Variants in TRAF3IP1 observed in about 807,000 individuals in gnomAD.
TRAF3IP1 encodes the protein TRAF3-interacting protein 1.
In TRAF3IP1, 53 loss-of-function variants were observed where a neutral mutation model predicts 89.9. That is an observed-to-expected ratio of 0.59 (90% CI 0.47 to 0.74). TRAF3IP1 has a LOEUF of 0.74. Ranked by LOEUF, TRAF3IP1 falls within the 30% of genes least tolerant of loss-of-function variation. TRAF3IP1 has a pLI of 0.00. For missense variants in TRAF3IP1, 806 were observed against 866.1 expected, an observed-to-expected ratio of 0.93 and a Z score of 0.87; for synonymous variants, 311 against 322.1, an observed-to-expected ratio of 0.97 and a Z score of 0.37.
chr2:238,325,224 C>T, intron 1 of TRAF3IP1, 82 bp from the exon 2 acceptor site: 2 of 1,342,756 alleles, frequency 1.5e-6, no homozygotes, highest in Non-Finnish European at 2.1e-6. Context: ...TCTGACATCT[C>T]CCAAGTGTGG....
At chr2:238,364,062 TTCTC>T (rs1181591892) in intron 15 of TRAF3IP1, among the ~76,000 whole-genome samples, 1 of 152,252 alleles carries the variant, frequency 6.6e-6, no homozygotes, top group Non-Finnish European at 1.5e-5. Context: ...ATTGCTTATT[TTCTC>T]TCTGTCTCAT....
At chr2:238,349,551 C>T (rs965198303) in intron 12 of TRAF3IP1, 143 bp downstream of exon 12, 28 of 751,664 alleles carry the variant, frequency 3.7e-5, no homozygotes, top group Middle Eastern at 3.7e-4. Flanking sequence ...GGTAGGCCCT[C>T]GCCTCACACC....
At chr2:238,350,401 A>G (rs1699097649) in intron 12 of TRAF3IP1, among the ~76,000 whole-genome samples, 1 of 152,042 alleles carries the variant, frequency 6.6e-6, no homozygotes, top group Non-Finnish European at 1.5e-5. Flanking sequence ...TGTGATGCAG[A>G]TTCTTAAGGT....
At chr2:238,331,192 G>A (rs1698103762) in intron 5 of TRAF3IP1, among the ~76,000 whole-genome samples, 1 of 151,808 alleles carries the variant, frequency 6.6e-6, no homozygotes, top group South Asian at 2.1e-4. Flanking sequence ...CGGGCATGGT[G>A]GCTCACGCTT....
rs73999932 is a variant in TRAF3IP1 at position 238,379,350 on chromosome 2, G to C, written c.1690-18109G>C. ...CATTGGTCACTGACTGAGACCATGC[G>C]ACTGACTGAGACCATGCAGCTGGCT... On this transcript the variant is annotated intron_variant, in intron 15 of 16. Coordinates refer to ENST00000373327, the MANE Select transcript of TRAF3IP1 (RefSeq NM_015650.4). This position sits in a 1 kb window ranked among gnomAD's most constrained non-coding sequence, Gnocchi z 4.0. Among the ~76,000 whole-genome samples, 5,793 of 152,220 alleles carry C rather than the reference G, an allele frequency of 0.038. 351 individuals carry two copies. The highest frequency in any genetic ancestry group is 0.13 in the African/African-American group (5,432 of 41,498).
chr2:238,349,481 G>A, intron 12 of TRAF3IP1, 73 bp downstream of exon 12: 1 of 1,444,318 alleles, frequency 6.9e-7, no homozygotes, highest in Non-Finnish European at 9.6e-7. Context: ...TCCGCTAAGA[G>A]AAGGGGGAGG....
At chr2:238,330,226 C>G (rs182893816) in intron 5 of TRAF3IP1, among the ~76,000 whole-genome samples, 3 of 152,258 alleles carry the variant, frequency 2.0e-5, no homozygotes, top group African/African-American at 7.2e-5. Flanking sequence ...CTTTCAAGGG[C>G]TTTTAGGCAT....
chr2:238,331,348 G>T (rs560350756), intron 5 of TRAF3IP1, among the ~76,000 whole-genome samples: 30 of 151,602 alleles, frequency 2.0e-4, no homozygotes, highest in African/African-American at 7.3e-4. Context: ...GTGGTGGCAC[G>T]TGCCTGTAGT....
At chr2:238,384,670 A>T (rs1351396738) in intron 15 of TRAF3IP1, among the ~76,000 whole-genome samples, 1 of 150,718 alleles carries the variant, frequency 6.6e-6, no homozygotes, top group African/African-American at 2.4e-5. Context: ...GGCGTGAGCC[A>T]CCACGCCTGG....
chr2:238,333,284 C>T (rs1698216957), intron 6 of TRAF3IP1, among the ~76,000 whole-genome samples: 1 of 152,076 alleles, frequency 6.6e-6, no homozygotes, highest in Admixed American at 6.5e-5. Context: ...CTCTGGTTGG[C>T]CTGTTCAGGA....
At chr2:238,350,805 C>T (rs1699116150) in intron 12 of TRAF3IP1, among the ~76,000 whole-genome samples, 1 of 151,886 alleles carries the variant, frequency 6.6e-6, no homozygotes, top group South Asian at 2.1e-4. Context: ...TGTTCTGCAG[C>T]TGCAGTTGGC....
chr2:238,379,187 C>T lies in TRAF3IP1; in HGVS notation c.1690-18272C>T, dbSNP rs896802479. Among the ~76,000 whole-genome samples, 2 of 152,182 alleles carry T rather than the reference C, an allele frequency of 1.3e-5. No individual in the cohort carries two copies. Among genetic ancestry groups the T allele is most frequent in the Non-Finnish European group, 2.9e-5 (2 of 68,032 alleles). On this transcript the variant is annotated intron_variant, in intron 15 of 16. Coordinates refer to ENST00000373327, the MANE Select transcript of TRAF3IP1 (RefSeq NM_015650.4). This position sits in a 1 kb window ranked among gnomAD's most constrained non-coding sequence, Gnocchi z 4.0. ...GGTTACCTGGAGGCTGCTGGTCTCT[C>T]GGGCCGGACAACCCCCACCCCATTT...
intron 7 of TRAF3IP1, among the ~76,000 whole-genome samples, chr2:238,336,632 A>G (rs539000242): frequency 1.4e-3 from 217 of 152,310 alleles, no homozygotes; most frequent in African/African-American, 4.6e-3. Context: ...TAAGTAGTGC[A>G]TACAGAGCTG....
At chr2:238,372,450 G>A (rs766947452) in intron 15 of TRAF3IP1, among the ~76,000 whole-genome samples, 4 of 152,172 alleles carry the variant, frequency 2.6e-5, no homozygotes, top group Non-Finnish European at 4.4e-5. Context: ...TCCCTGCAAA[G>A]GACATGAACT....
intron 15 of TRAF3IP1, among the ~76,000 whole-genome samples, chr2:238,388,588 C>A: frequency 6.9e-6 from 1 of 144,792 alleles, no homozygotes; most frequent in Non-Finnish European, 1.5e-5. Context: ...TTATGAAGAA[C>A]ACAACTTTTT....
intron 15 of TRAF3IP1, among the ~76,000 whole-genome samples, chr2:238,370,492 C>G (rs1309063589): frequency 1.3e-5 from 2 of 152,132 alleles, no homozygotes; most frequent in Non-Finnish European, 2.9e-5. Context: ...TGTGCCCTCC[C>G]TACCTGGTCT....
intron 7 of TRAF3IP1, among the ~76,000 whole-genome samples, chr2:238,335,647 A>G (rs1041356611): frequency 6.6e-6 from 1 of 152,110 alleles, no homozygotes; most frequent in Non-Finnish European, 1.5e-5. Context: ...TTAGTTTAGG[A>G]AGTTTAGGCA....
At chr2:238,341,499 G>A (rs967387396) in intron 8 of TRAF3IP1, among the ~76,000 whole-genome samples, 2 of 149,220 alleles carry the variant, frequency 1.3e-5, no homozygotes, top group Non-Finnish European at 3.0e-5. Context: ...AACCCAAGCT[G>A]TATTCTAATT....
intron 7 of TRAF3IP1, among the ~76,000 whole-genome samples, chr2:238,336,744 T>G (rs1698407205): frequency 6.6e-6 from 1 of 152,218 alleles, no homozygotes; most frequent in African/African-American, 2.4e-5. Context: ...TGTGCAATTT[T>G]ATGTCAGGAA....
Sources: gnomAD v4.1 joint callset for allele counts (sites outside exome capture counted in the v4.1 genomes callset) on GRCh38, gnomAD v4.1.1 for gene constraint, Gnocchi (gnomAD v3.1) non-coding constraint, MANE v1.5 for transcripts, NCBI Gene and HGNC (gene_info 2026-07-23, HGNC 2026-07-21) for gene names.